The following XKR6 variants were observed in gnomAD, a reference collection of about 807,000 sequenced individuals.
XKR6 encodes XK related 6.
In XKR6, 22 loss-of-function variants were observed where a neutral mutation model predicts 56.7. The observed-to-expected ratio is 0.39, with a 90% CI of 0.28 to 0.55. The LOEUF (loss-of-function observed/expected upper bound fraction) is 0.55. Among genes scored for constraint, XKR6 ranks in the 20% least tolerant of loss-of-function variants. The probability of loss-of-function intolerance (pLI) is 0.66; values close to 1 mark genes in which losing one functional copy is unlikely to be tolerated. For missense variants in XKR6, 852 were observed against 889.0 expected (o/e 0.96, Z 0.53); for synonymous variants, 524 against 387.8 (o/e 1.35, Z -4.13).
In XKR6 at chr8:11,088,935, G is replaced by C. The variant is rs145857424; in HGVS notation, c.764+111641C>G. 7.2e-5 allele frequency among the ~76,000 whole-genome samples: 11 copies of C among 152,360 alleles called. No individual in the cohort carries two copies. In the East Asian group the frequency reaches 2.1e-3, roughly 29 times the overall value. On this transcript the variant is annotated intron_variant, in intron 1 of 2. Transcript: ENST00000416569. ...GGGCAAATCAGGGTAGGCTGTATGT[G>C]CCTTGCACATAGAAGATGCCCAATA...
chr8:11,142,929 G>A (rs1011732002), intron 1 of XKR6, among the ~76,000 whole-genome samples: 4 of 152,146 alleles, frequency 2.6e-5, no homozygotes, highest in African/African-American at 9.7e-5. Context: ...GAAAAGAAAT[G>A]AACTGGTCAC....
At chr8:11,189,040 T>G (rs1039910012) in intron 1 of XKR6, among the ~76,000 whole-genome samples, 1 of 152,212 alleles carries the variant, frequency 6.6e-6, no homozygotes, top group African/African-American at 2.4e-5. Context: ...CCCACGAATC[T>G]ATCAAGCAAA....
intron 1 of XKR6, among the ~76,000 whole-genome samples, chr8:10,973,157 T>C (rs1284059236): frequency 2.0e-5 from 3 of 152,268 alleles, no homozygotes; most frequent in Admixed American, 1.3e-4. Flanking sequence ...TTAAGAGGAA[T>C]TGATGAAACA....
intron 1 of XKR6, among the ~76,000 whole-genome samples, chr8:11,110,797 A>G (rs920350362): frequency 6.6e-6 from 1 of 151,928 alleles, no homozygotes; most frequent in Non-Finnish European, 1.5e-5. Context: ...AGTAGCCCAC[A>G]GTTTTAAATA....
intron 1 of XKR6, among the ~76,000 whole-genome samples, chr8:10,981,516 A>G (rs1005859549): frequency 6.6e-6 from 1 of 152,230 alleles, no homozygotes; most frequent in African/African-American, 2.4e-5. Context: ...ACTAACAAAG[A>G]CATTGGAAAG....
chr8:10,912,680 G>A (rs1800434416), intron 2 of XKR6, among the ~76,000 whole-genome samples: 3 of 127,138 alleles, frequency 2.4e-5, no homozygotes, highest in African/African-American at 3.2e-5. Context: ...ATATAGAGAG[G>A]GTGAGTGTAT....
chr8:11,052,660 A>G lies in XKR6; in HGVS notation c.765-127830T>C, dbSNP rs537762691. Among the ~76,000 whole-genome samples the G allele has an allele frequency of 4.0e-5, 6 of 151,524 alleles. No individual in the cohort carries two copies. In the East Asian group the frequency reaches 1.2e-3, roughly 30 times the overall value. ...TCTCTCCCCCTGGTTTTCTCTCCCC[A>G]TTGCCCGCACCTTGAGTTAAAGCTG... On this transcript the variant is annotated intron_variant, in intron 1 of 2. Coordinates refer to ENST00000416569, the MANE Select transcript of XKR6 (RefSeq NM_173683.4).
chr8:11,020,260 G>C (rs1332885042), intron 1 of XKR6, among the ~76,000 whole-genome samples: 1 of 152,174 alleles, frequency 6.6e-6, no homozygotes, highest in African/African-American at 2.4e-5. Context: ...TGATTTCAGT[G>C]TAGGAAGCCG....
chr8:11,174,454 G>A (rs927438232), intron 1 of XKR6, among the ~76,000 whole-genome samples: 2 of 152,196 alleles, frequency 1.3e-5, no homozygotes, highest in African/African-American at 2.4e-5. Context: ...GCCGAGCACC[G>A]CATCGACTCC....
intron 1 of XKR6, among the ~76,000 whole-genome samples, chr8:10,956,113 C>G (rs761745886): frequency 3.9e-5 from 6 of 152,170 alleles, no homozygotes; most frequent in Non-Finnish European, 7.4e-5. Context: ...CTCCTGCCAC[C>G]TTGCTGCTCC....
chr8:11,163,772 T>C (rs1801939385), intron 1 of XKR6, among the ~76,000 whole-genome samples: 2 of 152,202 alleles, frequency 1.3e-5, no homozygotes, highest in African/African-American at 2.4e-5. Context: ...ATCATTGTTA[T>C]CACATTTTAC....
intron 1 of XKR6, among the ~76,000 whole-genome samples, chr8:11,035,617 C>T (rs1799120729): frequency 6.6e-6 from 1 of 152,124 alleles, no homozygotes; most frequent in African/African-American, 2.4e-5. Context: ...AATTTGGAGA[C>T]CTGAAATATC....
At chr8:10,923,671 G>A (rs1251355169) in intron 2 of XKR6, among the ~76,000 whole-genome samples, 1 of 152,254 alleles carries the variant, frequency 6.6e-6, no homozygotes, top group Non-Finnish European at 1.5e-5. Context: ...AGACCACATT[G>A]GTGAGGAGGT....
chr8:11,079,660 T>A (rs916197965), intron 1 of XKR6, among the ~76,000 whole-genome samples: 1 of 152,234 alleles, frequency 6.6e-6, no homozygotes, highest in African/African-American at 2.4e-5. Flanking sequence ...GTAACGTTGT[T>A]GTGATAAACC....
chr8:10,923,127 C>T (rs1800770912), intron 2 of XKR6, among the ~76,000 whole-genome samples: 2 of 152,314 alleles, frequency 1.3e-5, no homozygotes, highest in African/African-American at 2.4e-5. Context: ...CTGTGGGTGC[C>T]CAGAAAACAG....
At chr8:10,969,516 C>G (rs1467473924) in intron 1 of XKR6, among the ~76,000 whole-genome samples, 1 of 152,180 alleles carries the variant, frequency 6.6e-6, no homozygotes, top group Non-Finnish European at 1.5e-5. Flanking sequence ...AGGTACGTGT[C>G]CTATGCAGGC....
At chr8:10,927,586 A>C (rs1470844348) in intron 1 of XKR6, among the ~76,000 whole-genome samples, 1 of 152,172 alleles carries the variant, frequency 6.6e-6, no homozygotes, top group Non-Finnish European at 1.5e-5. Context: ...AGGTTCACCC[A>C]GGTTTGCCCT....
At chr8:10,908,356 G>A (rs996337490) in intron 2 of XKR6, among the ~76,000 whole-genome samples, 9 of 150,490 alleles carry the variant, frequency 6.0e-5, no homozygotes, top group African/African-American at 2.2e-4. Context: ...TAGAAGGGCC[G>A]GCAGGGCTGC....
In XKR6 at chr8:11,010,152, C is replaced by T. The variant is rs1004881151; in HGVS notation, c.765-85322G>A. On this transcript the variant is annotated intron_variant, in intron 1 of 2. Coordinates refer to ENST00000416569, the MANE Select transcript of XKR6 (RefSeq NM_173683.4). ...AAGGAAGTAGTCATCTCTTATATGG[C>T]CACAACAGGAGGAAGAGAGAGAAGC... Among the ~76,000 whole-genome samples the T allele has an allele frequency of 8.5e-5, 13 of 152,170 alleles. No individual in the cohort carries two copies. The South Asian group carries it at 2.7e-3, about 32-fold the overall frequency.
Sources: gnomAD v4.1 joint callset for allele counts (sites outside exome capture counted in the v4.1 genomes callset) on GRCh38, gnomAD v4.1.1 for gene constraint, MANE v1.5 for transcripts, NCBI Gene and HGNC (gene_info 2026-07-23, HGNC 2026-07-21) for gene names.